DCC: variants seen among roughly 807,000 people sequenced by gnomAD.
The protein encoded by DCC is DCC netrin 1 receptor.
Under a neutral mutation model 172.5 loss-of-function variants are expected in DCC, and 58 were observed. That is an observed-to-expected ratio of 0.34 (90% confidence interval 0.27 to 0.42). The LOEUF (loss-of-function observed/expected upper bound fraction) is 0.42. Ranked by LOEUF, DCC falls within the 10% of genes least tolerant of loss-of-function variation. DCC has a pLI of 1.00. For synonymous variants in DCC, 709 were observed against 644.5 expected, an observed-to-expected ratio of 1.10 and a Z score of -1.52; for missense variants, 1,740 against 1,791.0, an observed-to-expected ratio of 0.97 and a Z score of 0.51.
chr18:53,130,192 G>C lies in DCC; in HGVS notation c.1262-27164G>C, dbSNP rs113874117. 9.0e-3 allele frequency among the ~76,000 whole-genome samples: 1,371 copies of C among 152,106 alleles called. 22 individuals carry two copies. The highest frequency in any genetic ancestry group is 0.031 in the African/African-American group (1,284 of 41,526). On this transcript the variant is annotated intron_variant, in intron 7 of 28. Transcript: ENST00000442544. ...AGCACTAAAAATATAATTGAAAATT[G>C]TGTTAGTAGGCAACATTACTAAATG...
chr18:52,624,957 G>A (rs944618830), intron 1 of DCC, among the ~76,000 whole-genome samples: 1 of 152,154 alleles, frequency 6.6e-6, no homozygotes, highest in Non-Finnish European at 1.5e-5. Context: ...TGGTTGTTGT[G>A]TAAACATCAT....
chr18:53,220,518 T>G (rs1164650158), intron 12 of DCC, among the ~76,000 whole-genome samples: 1 of 152,166 alleles, frequency 6.6e-6, no homozygotes, highest in Non-Finnish European at 1.5e-5. Flanking sequence ...TCCTCACAAA[T>G]GTAGTAGGTT....
At chr18:52,378,739 G>A (rs1985459531) in intron 1 of DCC, among the ~76,000 whole-genome samples, 1 of 151,850 alleles carries the variant, frequency 6.6e-6, no homozygotes, top group Non-Finnish European at 1.5e-5. Context: ...GTAGATATGG[G>A]GTTTTGTCAT....
At chr18:52,783,255 C>A (rs999907870) in intron 2 of DCC, among the ~76,000 whole-genome samples, 2 of 146,526 alleles carry the variant, frequency 1.4e-5, no homozygotes, top group Non-Finnish European at 3.0e-5. Context: ...GGTTTAACAC[C>A]GATTTAAACT....
rs537598835 is a variant in DCC at position 52,456,960 on chromosome 18, A to T, written c.91+116082A>T. On this transcript the variant is annotated intron_variant, in intron 1 of 28. Transcript: ENST00000442544. The stretch of plus-strand genomic sequence containing the variant: ...CATTTTTCATACTTGTTTTTTTTTT[A>T]AAAAAATAGTATTTCCACTCTGGTT... Among the ~76,000 whole-genome samples the T allele has an allele frequency of 3.6e-3, 545 of 151,244 alleles. 2 individuals are homozygous for T. Among genetic ancestry groups the T allele is most frequent in the African/African-American group, 7.3e-3 (302 of 41,160 alleles).
chr18:53,136,213 A>C (rs7505176), intron 7 of DCC, among the ~76,000 whole-genome samples: 62 of 73,860 alleles, frequency 8.4e-4, no homozygotes, highest in Non-Finnish European at 1.3e-3. Context: ...ATCTATCTAT[A>C]TATATATACA....
rs563543028 is a variant in DCC at position 53,059,418 on chromosome 18, T to G, written c.986-3887T>G. 2.0e-5 allele frequency among the ~76,000 whole-genome samples: 3 copies of G among 152,262 alleles called. No homozygotes were observed. The South Asian group carries it at 6.2e-4, about 32-fold the overall frequency. On this transcript the variant is annotated intron_variant, in intron 5 of 28. Coordinates refer to ENST00000442544, the MANE Select transcript of DCC (RefSeq NM_005215.4). ...GGGGTATATGTAAGTCACGTGTGGA[T>G]GATAAGTTTAACAAGTAAGCAGTAA... is the stretch of plus-strand genomic sequence containing the variant.
At chr18:52,347,137 G>A (rs530293311) in intron 1 of DCC, among the ~76,000 whole-genome samples, 183 of 152,272 alleles carry the variant, frequency 1.2e-3, no homozygotes, top group African/African-American at 3.8e-3. Context: ...CAACTGGTTA[G>A]TGAATTGTGT....
intron 3 of DCC, among the ~76,000 whole-genome samples, chr18:52,923,241 C>G (rs145661181): frequency 6.6e-6 from 1 of 152,194 alleles, no homozygotes; most frequent in East Asian, 1.9e-4. Context: ...AGTACCTGTA[C>G]GCTATTTAAT....
chr18:53,306,605 T>A (rs866217187), intron 13 of DCC, among the ~76,000 whole-genome samples: 1 of 152,230 alleles, frequency 6.6e-6, no homozygotes, highest in Non-Finnish European at 1.5e-5. Context: ...TTCTCACTGG[T>A]TGAGTTCACC....
chr18:52,699,081 C>T (rs1210528099), intron 1 of DCC, among the ~76,000 whole-genome samples: 6 of 152,040 alleles, frequency 3.9e-5, no homozygotes, highest in Non-Finnish European at 7.4e-5. Flanking sequence ...GTGCTCTTTC[C>T]CAAGGTTTGG....
intron 2 of DCC, among the ~76,000 whole-genome samples, chr18:52,758,507 T>A (rs946594415): frequency 6.6e-6 from 1 of 152,150 alleles, no homozygotes; most frequent in African/African-American, 2.4e-5. Context: ...TTTTAAAAAA[T>A]AATTAATTAC....
Position 52,944,748 on chromosome 18 carries a change from G to A in DCC, c.985+19378G>A, listed in dbSNP as rs890800466. On this transcript the variant is annotated intron_variant, in intron 5 of 28. Transcript: ENST00000442544. ...AGAATCAGCAATCTGTTTCATCTGGGTGATTCTGATACAGGAGAACCACTG... is the reference window on the plus strand; with the variant it reads ...AGAATCAGCAATCTGTTTCATCTGGATGATTCTGATACAGGAGAACCACTG... Among the ~76,000 whole-genome samples, 7 of 152,154 alleles carry A rather than the reference G, an allele frequency of 4.6e-5. No individual in the cohort carries two copies. The South Asian group carries it at 1.5e-3, about 32-fold the overall frequency.
intron 26 of DCC, among the ~76,000 whole-genome samples, chr18:53,494,387 A>G (rs1050329166): frequency 3.9e-5 from 6 of 152,126 alleles, no homozygotes; most frequent in South Asian, 2.1e-4. Context: ...TTTCTATCTC[A>G]TTGATCTAAT....
At chr18:53,307,695 TA>T (rs942846887) in intron 13 of DCC, among the ~76,000 whole-genome samples, 1 of 151,576 alleles carries the variant, frequency 6.6e-6, no homozygotes, top group African/African-American at 2.4e-5. Context: ...ATAAAGATGA[TA>T]AAATGTTCAA....
intron 1 of DCC, among the ~76,000 whole-genome samples, chr18:52,416,720 T>G (rs926738667): frequency 2.0e-5 from 3 of 151,968 alleles, no homozygotes; most frequent in Non-Finnish European, 2.9e-5. Flanking sequence ...GTTTTCCATT[T>G]GCTTGGTAGA....
At chr18:53,461,156 C>G (rs1360337199) in intron 24 of DCC, among the ~76,000 whole-genome samples, 3 of 152,058 alleles carry the variant, frequency 2.0e-5, no homozygotes, top group Non-Finnish European at 4.4e-5. Flanking sequence ...AATTTGTTTG[C>G]GTTCATTGTA....
chr18:53,057,160 G>T (rs553605055), intron 5 of DCC, among the ~76,000 whole-genome samples: 1 of 148,054 alleles, frequency 6.8e-6, no homozygotes, highest in South Asian at 2.1e-4. Context: ...TTTATTATGC[G>T]AAATAAAACC....
At chr18:52,423,991 C>G (rs968652416) in intron 1 of DCC, among the ~76,000 whole-genome samples, 3 of 152,050 alleles carry the variant, frequency 2.0e-5, no homozygotes, top group African/African-American at 4.8e-5. Flanking sequence ...CTTGTTCATC[C>G]TTTCTACCAA....
Sources: gnomAD v4.1 joint callset for allele counts (sites outside exome capture counted in the v4.1 genomes callset) on GRCh38, gnomAD v4.1.1 for gene constraint, MANE v1.5 for transcripts, NCBI Gene and HGNC (gene_info 2026-07-23, HGNC 2026-07-21) for gene names.